CDK14: variants seen among roughly 807,000 people sequenced by gnomAD.
The protein encoded by CDK14 is cyclin dependent kinase 14.
CDK14 carries 34 observed loss-of-function variants against 60.7 expected under a neutral mutation model. The observed-to-expected ratio is 0.56, with a 90% CI of 0.43 to 0.75. The LOEUF (loss-of-function observed/expected upper bound fraction) is 0.75. Among genes scored for constraint, CDK14 ranks in the 30% least tolerant of loss-of-function variants. CDK14 has a pLI of 0.00. For missense variants in CDK14, 482 were observed against 564.1 expected, an observed-to-expected ratio of 0.85 and a Z score of 1.47; for synonymous variants, 197 against 203.7, an observed-to-expected ratio of 0.97 and a Z score of 0.28.
intron 9 of CDK14, among the ~76,000 whole-genome samples, chr7:90,974,887 T>G (rs1795024629): frequency 6.6e-6 from 1 of 152,180 alleles, no homozygotes; most frequent in Non-Finnish European, 1.5e-5. Context: ...ACAAGGCATA[T>G]TAGCTGGTGC....
At chr7:90,824,044 CA>C (rs1235287861) in intron 5 of CDK14, among the ~76,000 whole-genome samples, 1 of 152,086 alleles carries the variant, frequency 6.6e-6, no homozygotes, top group Non-Finnish European at 1.5e-5. Context: ...TTCATAAATA[CA>C]AAGGAACTCT....
At chr7:90,737,491 C>T (rs538478624) in intron 3 of CDK14, among the ~76,000 whole-genome samples, 135 of 152,230 alleles carry the variant, frequency 8.9e-4, no homozygotes, top group African/African-American at 3.0e-3. Flanking sequence ...GTCATCTTGG[C>T]GTTACTTCCT....
chr7:90,888,078 G>A (rs900421637), intron 6 of CDK14, among the ~76,000 whole-genome samples: 4 of 152,088 alleles, frequency 2.6e-5, no homozygotes, highest in East Asian at 1.9e-4. Flanking sequence ...TAGGCCAGGC[G>A]CAATGGCTCA....
At chr7:90,905,899 G>A (rs987065702) in intron 7 of CDK14, among the ~76,000 whole-genome samples, 2 of 152,114 alleles carry the variant, frequency 1.3e-5, no homozygotes, top group African/African-American at 4.8e-5. Flanking sequence ...GAATTGCAGT[G>A]CATGGAAGCA....
At chr7:90,767,111 C>A (rs1185836475) in intron 4 of CDK14, among the ~76,000 whole-genome samples, 3 of 152,150 alleles carry the variant, frequency 2.0e-5, no homozygotes, top group Non-Finnish European at 2.9e-5. Flanking sequence ...CTAAACCAAG[C>A]CCCCCATGCA....
At chr7:90,727,617 T>G (rs1264561485) in intron 3 of CDK14, among the ~76,000 whole-genome samples, 2 of 152,158 alleles carry the variant, frequency 1.3e-5, no homozygotes, top group Non-Finnish European at 2.9e-5. Flanking sequence ...CTTGCACAAC[T>G]TCTTCATTTT....
chr7:90,853,124 T>C (rs1167271406), intron 5 of CDK14, among the ~76,000 whole-genome samples: 1 of 152,180 alleles, frequency 6.6e-6, no homozygotes, highest in African/African-American at 2.4e-5. Flanking sequence ...AAGCACTGGT[T>C]CTAAGGTAAT....
At chr7:90,638,458 C>T (rs1416408133) in intron 2 of CDK14, among the ~76,000 whole-genome samples, 2 of 152,112 alleles carry the variant, frequency 1.3e-5, no homozygotes, top group Non-Finnish European at 2.9e-5. Context: ...GAATATTGGC[C>T]CCCACTCTCT....
At chr7:90,807,629 A>G (rs986388122) in intron 5 of CDK14, among the ~76,000 whole-genome samples, 71 of 152,342 alleles carry the variant, frequency 4.7e-4, no homozygotes, top group African/African-American at 1.7e-3. Context: ...TGACTTTGAC[A>G]AGTTGAGAGA....
At chr7:90,878,384 A>C (rs1189000215) in intron 6 of CDK14, among the ~76,000 whole-genome samples, 1 of 152,152 alleles carries the variant, frequency 6.6e-6, no homozygotes, top group African/African-American at 2.4e-5. Flanking sequence ...CCATTTCTGC[A>C]CAACACAGGA....
At chr7:90,611,894 G>T (rs561537867) in intron 2 of CDK14, among the ~76,000 whole-genome samples, 5 of 148,046 alleles carry the variant, frequency 3.4e-5, no homozygotes, top group Non-Finnish European at 5.9e-5. Flanking sequence ...GTGCAGTGGC[G>T]CAATCTCGGC....
chr7:90,711,752 T>G, intron 2 of CDK14, among the ~76,000 whole-genome samples: 1 of 152,098 alleles, frequency 6.6e-6, no homozygotes, highest in East Asian at 1.9e-4. Context: ...TCATGGATAG[T>G]CAGTTTGGTG....
chr7:90,682,661 A>G (rs538695506), intron 2 of CDK14, among the ~76,000 whole-genome samples: 2 of 151,702 alleles, frequency 1.3e-5, no homozygotes, highest in South Asian at 2.1e-4. Context: ...AGTTAACCCA[A>G]TACCACCTTT....
chr7:90,597,791 T>C (rs757555286), intron 1 of CDK14, among the ~76,000 whole-genome samples: 1 of 152,090 alleles, frequency 6.6e-6, no homozygotes, highest in Non-Finnish European at 1.5e-5. Flanking sequence ...ATATGCAAAC[T>C]TTCTTCAAGT....
At position 91,187,013 on chromosome 7, in the gene CDK14, A is replaced by G. The variant is rs575252048; in HGVS notation, c.*29-20152A>G. Among the ~76,000 whole-genome samples the G allele has an allele frequency of 1.2e-4, 18 of 152,356 alleles. No individual in the cohort carries two copies. In the South Asian group the frequency reaches 3.5e-3, roughly 30 times the overall value. ...TTAAAGCACAAGAACAGGATTAAAT[A>G]AAGCAGTGGTTGAGAATAGTTAAAT... On this transcript the variant is annotated intron_variant, in intron 14 of 14. Coordinates refer to ENST00000380050, the MANE Select transcript of CDK14 (RefSeq NM_001287135.2).
intron 10 of CDK14, among the ~76,000 whole-genome samples, chr7:91,001,783 A>T (rs1795842675): frequency 6.6e-6 from 1 of 152,242 alleles, no homozygotes; most frequent in South Asian, 2.1e-4. Context: ...CTCCATTAAA[A>T]TAACCGACAC....
intron 2 of CDK14, among the ~76,000 whole-genome samples, chr7:90,701,690 C>G (rs1220690255): frequency 6.6e-6 from 1 of 152,080 alleles, no homozygotes; most frequent in African/African-American, 2.4e-5. Context: ...TTATAAGGAG[C>G]TGAAAATCAA....
intron 8 of CDK14, among the ~76,000 whole-genome samples, chr7:90,948,344 G>T (rs1794160033): frequency 6.6e-6 from 1 of 152,194 alleles, no homozygotes; most frequent in Admixed American, 6.5e-5. Context: ...TATTGAAAAT[G>T]ATTTTGCATT....
chr7:90,877,532 T>C (rs1269455551), intron 6 of CDK14, among the ~76,000 whole-genome samples: 2 of 152,158 alleles, frequency 1.3e-5, no homozygotes, highest in Non-Finnish European at 2.9e-5. Flanking sequence ...GGATCTCAAT[T>C]ACTAGTTTTT....
Sources: allele counts gnomAD v4.1 joint callset (sites outside exome capture counted in the v4.1 genomes callset), GRCh38; gene constraint gnomAD v4.1.1; transcripts MANE v1.5; gene names NCBI Gene and HGNC (gene_info 2026-07-23, HGNC 2026-07-21).